Variants in ITGA9 observed in about 807,000 individuals in gnomAD.
ITGA9 encodes integrin alpha-9.
Under a neutral mutation model 127.8 loss-of-function variants are expected in ITGA9, and 56 were observed. The observed-to-expected ratio is 0.44, with a 90% confidence interval of 0.35 to 0.55. ITGA9 has a LOEUF of 0.55. Among genes scored for constraint, ITGA9 ranks in the 20% least tolerant of loss-of-function variants. The pLI is 0.00. For synonymous variants in ITGA9, 508 were observed against 514.5 expected (o/e 0.99, Z 0.17); for missense variants, 1,196 against 1,347.1 (o/e 0.89, Z 1.76).
intron 18 of ITGA9, among the ~76,000 whole-genome samples, chr3:37,705,092 A>G (rs952548443): frequency 7.9e-5 from 12 of 152,224 alleles, no homozygotes; most frequent in Non-Finnish European, 2.9e-5. Context: ...TTAGAATGGC[A>G]TGAATGTTGG....
At chr3:37,583,065 G>A (rs574972178) in intron 15 of ITGA9, among the ~76,000 whole-genome samples, 85 of 152,274 alleles carry the variant, frequency 5.6e-4, no homozygotes, top group African/African-American at 1.9e-3. Context: ...CTTCCTCACC[G>A]TCCCACTTTG....
intron 5 of ITGA9, among the ~76,000 whole-genome samples, chr3:37,500,270 C>T (rs1012417094): frequency 6.6e-6 from 1 of 152,166 alleles, no homozygotes; most frequent in Admixed American, 6.5e-5. Context: ...CCCAGTGGAG[C>T]GTCCTGACTG....
intron 26 of ITGA9, among the ~76,000 whole-genome samples, chr3:37,802,259 T>C (rs1161138898): frequency 6.6e-6 from 1 of 152,106 alleles, no homozygotes; most frequent in Non-Finnish European, 1.5e-5. Context: ...CAATATTCAA[T>C]AAGTGTTAGA....
chr3:37,745,497 A>T (rs756356080), intron 22 of ITGA9: 7 of 152,168 alleles, frequency 4.6e-5, no homozygotes, highest in Non-Finnish European at 1.0e-4. Context: ...ATAGATAAAG[A>T]CCTGATGGGT....
intron 27 of ITGA9, among the ~76,000 whole-genome samples, chr3:37,812,310 C>A (rs1697377826): frequency 6.6e-6 from 1 of 152,114 alleles, no homozygotes; most frequent in South Asian, 2.1e-4. Context: ...TTGAGTTAGT[C>A]CAAAAAAGGA....
In ITGA9 at chr3:37,653,804, T is replaced by C. The variant is rs1700451428; in HGVS notation, c.1916+14T>C. 1.9e-6 allele frequency: 3 copies of C among 1,599,892 alleles called. No individual in the cohort carries two copies. In the Admixed American group the frequency reaches 5.0e-5, roughly 27 times the overall value. On this transcript the variant is annotated intron_variant, in intron 17 of 27. Coordinates refer to ENST00000264741, the MANE Select transcript of ITGA9 (RefSeq NM_002207.3). ...GCTGCTCTCCAGGTATGTCGGTGTT[T>C]CCTTCAGAGCATTGTTCTCAGGCTC...
At chr3:37,744,617 T>C (rs1253741128) in intron 22 of ITGA9, among the ~76,000 whole-genome samples, 1 of 152,160 alleles carries the variant, frequency 6.6e-6, no homozygotes, top group East Asian at 1.9e-4. Flanking sequence ...TGGTGTAGAC[T>C]GTGGACCTCA....
At chr3:37,468,585 G>A (rs1698396630) in intron 1 of ITGA9, among the ~76,000 whole-genome samples, 1 of 152,136 alleles carries the variant, frequency 6.6e-6, no homozygotes, top group South Asian at 2.1e-4. Context: ...AGTGTTGCAG[G>A]AGGAGCAGCA....
chr3:37,507,506 G>A (rs1037506980), intron 7 of ITGA9, among the ~76,000 whole-genome samples: 2 of 152,022 alleles, frequency 1.3e-5, no homozygotes, highest in African/African-American at 2.4e-5. Flanking sequence ...TGACCCCTCC[G>A]CAAACCCCTC....
chr3:37,581,069 C>T (rs1381360547), intron 15 of ITGA9, among the ~76,000 whole-genome samples: 1 of 152,128 alleles, frequency 6.6e-6, no homozygotes, highest in Non-Finnish European at 1.5e-5. Flanking sequence ...ATAGGCTAAA[C>T]TAAGAAGTTT....
intron 15 of ITGA9, among the ~76,000 whole-genome samples, chr3:37,547,507 G>A (rs267535): frequency 0.63 from 95,194 of 151,938 alleles, 30,285 homozygotes; most frequent in East Asian, 0.86. Flanking sequence ...ACATGCTGTG[G>A]GTTTAGAGTG....
chr3:37,673,894 C>T (rs1700658934), intron 17 of ITGA9, among the ~76,000 whole-genome samples: 1 of 152,162 alleles, frequency 6.6e-6, no homozygotes, highest in African/African-American at 2.4e-5. Flanking sequence ...TTTGAAAATC[C>T]GTGAGTCTCT....
chr3:37,691,967 A>C (rs1163399483), intron 18 of ITGA9, among the ~76,000 whole-genome samples: 1 of 152,250 alleles, frequency 6.6e-6, no homozygotes, highest in Non-Finnish European at 1.5e-5. Flanking sequence ...AAGTAAAATA[A>C]CAGGCAACCA....
chr3:37,771,373 C>G (rs73825416), intron 23 of ITGA9, among the ~76,000 whole-genome samples: 3,708 of 152,250 alleles, frequency 0.024, 127 homozygotes, highest in African/African-American at 0.073. Flanking sequence ...ATAAGGTAGT[C>G]CCCTGCTGTA....
intron 15 of ITGA9, among the ~76,000 whole-genome samples, chr3:37,575,686 T>C (rs1699647929): frequency 6.6e-6 from 1 of 151,944 alleles, no homozygotes; most frequent in Non-Finnish European, 1.5e-5. Context: ...AGTCTTTGGC[T>C]GTTTTGTTGA....
intron 18 of ITGA9, among the ~76,000 whole-genome samples, chr3:37,727,324 A>T (rs1264551280): frequency 6.6e-6 from 1 of 152,226 alleles, no homozygotes; most frequent in African/African-American, 2.4e-5. Context: ...TTCAGCAAGA[A>T]ACCCTGAGAA....
intron 26 of ITGA9, among the ~76,000 whole-genome samples, chr3:37,803,505 G>T (rs927586942): frequency 3.9e-5 from 6 of 152,214 alleles, no homozygotes; most frequent in African/African-American, 1.4e-4. Flanking sequence ...AACGTTTTCA[G>T]CTGGCACTGT....
chr3:37,795,287 GT>G (rs1252799815), intron 26 of ITGA9, among the ~76,000 whole-genome samples: 1 of 152,202 alleles, frequency 6.6e-6, no homozygotes, highest in Non-Finnish European at 1.5e-5. Flanking sequence ...TGGGTGAGAT[GT>G]ACTGCCATTG....
intron 8 of ITGA9, among the ~76,000 whole-genome samples, chr3:37,510,478 C>T (rs1431419788): frequency 1.3e-5 from 2 of 152,166 alleles, no homozygotes; most frequent in Non-Finnish European, 2.9e-5. Flanking sequence ...TGTGCCCTCT[C>T]TCCTCCTTGA....
Sources: gnomAD v4.1 joint callset for allele counts (sites outside exome capture counted in the v4.1 genomes callset) on GRCh38, gnomAD v4.1.1 for gene constraint, MANE v1.5 for transcripts, NCBI Gene and HGNC (gene_info 2026-07-23, HGNC 2026-07-21) for gene names.